Variants in LRFN5 observed in about 807,000 individuals in gnomAD.
LRFN5 encodes leucine rich repeat and fibronectin type III domain containing 5.
LRFN5 carries 24 observed loss-of-function variants against 45.6 expected under a neutral mutation model. That is an observed-to-expected ratio of 0.53 (90% CI 0.38 to 0.74). LRFN5 has a LOEUF of 0.74. Ranked by LOEUF, LRFN5 falls within the 30% of genes least tolerant of loss-of-function variation. The probability of loss-of-function intolerance (pLI) is 0.00; values close to 1 mark genes in which losing one functional copy is unlikely to be tolerated. For synonymous variants in LRFN5, 340 were observed against 313.8 expected (o/e 1.08, Z -0.88); for missense variants, 776 against 861.5 (o/e 0.90, Z 1.24).
At chr14:41,681,015 T>C (rs985041897) in intron 1 of LRFN5, among the ~76,000 whole-genome samples, 4 of 151,932 alleles carry the variant, frequency 2.6e-5, no homozygotes, top group Admixed American at 2.6e-4. Flanking sequence ...GCCAAATTGA[T>C]CAAGTAGAAG....
chr14:41,767,876 G>A (rs1885944394), intron 2 of LRFN5, among the ~76,000 whole-genome samples: 1 of 151,678 alleles, frequency 6.6e-6, no homozygotes, highest in African/African-American at 2.4e-5. Flanking sequence ...TGAGCCTGTT[G>A]TTTTGCCATG....
Position 41,891,852 on chromosome 14 carries a change from T to C in LRFN5, c.1988T>C (p.Val663Ala), listed in dbSNP as rs1306939149. 1.2e-6 allele frequency: 2 copies of C among 1,614,150 alleles called. No homozygotes were observed. Among genetic ancestry groups the C allele is most frequent in the East Asian group, 2.2e-5 (1 of 44,878 alleles). The change falls in exon 4 of 6, where the codon GTT (valine) becomes GCT (alanine). Residue 663 changes from valine to alanine, a missense_variant. Val to Ala is a moderately conservative substitution (Grantham distance 64). Coordinates refer to ENST00000298119, the MANE Select transcript of LRFN5 (RefSeq NM_152447.5). ...CCACAGAATGAAGCCGTCACAAATGTTGAATCCCAAAACACTAACAGGAAC... is the reference window on the plus strand; with the variant it reads ...CCACAGAATGAAGCCGTCACAAATGCTGAATCCCAAAACACTAACAGGAAC... The part of the protein sequence containing the change: ...TEPQNEAVTN[V>A]ESQNTNRNNS...
chr14:41,676,712 T>C (rs1288646892), intron 1 of LRFN5, among the ~76,000 whole-genome samples: 4 of 152,086 alleles, frequency 2.6e-5, no homozygotes, highest in Admixed American at 1.3e-4. Flanking sequence ...AAAAGACCTA[T>C]AAATATGGGG....
At chr14:41,893,499 A>G in intron 4 of LRFN5, 2 of 984,540 alleles carry the variant, frequency 2.0e-6, no homozygotes, top group Non-Finnish European at 2.4e-6. Flanking sequence ...TTACTATCTT[A>G]TGTCAAGTAC....
chr14:41,749,325 G>A (rs2138839167), intron 1 of LRFN5, among the ~76,000 whole-genome samples: 1 of 152,152 alleles, frequency 6.6e-6, no homozygotes, highest in Non-Finnish European at 1.5e-5. Flanking sequence ...GCATGCCAGA[G>A]GTAGTGAAAT....
In LRFN5 at chr14:41,899,021, ATTAACT is replaced by A. The variant is rs371217630; in HGVS notation, c.2142+66_2142+71del. 1.4e-4 allele frequency: 185 copies of A among 1,328,208 alleles called. No individual in the cohort carries two copies. In the African/African-American group the frequency reaches 2.4e-3, roughly 17 times the overall value. The allele number at this position is 1,328,208 out of a possible 1,614,324, so 82.3% of individuals were successfully genotyped here. Reference sequence around the variant, plus strand: ...TTAAATGGGTATACACTTTTTATAAATTAACTTTAAGTAATTAGTTTGCTAATTTAT... The same window carrying A: ...TTAAATGGGTATACACTTTTTATAAATTAAGTAATTAGTTTGCTAATTTAT... On this transcript the variant is annotated intron_variant, in intron 5 of 5. Coordinates refer to ENST00000298119, the MANE Select transcript of LRFN5 (RefSeq NM_152447.5).
At chr14:41,677,638 A>G (rs755020277) in intron 1 of LRFN5, among the ~76,000 whole-genome samples, 3 of 152,158 alleles carry the variant, frequency 2.0e-5, no homozygotes, top group Non-Finnish European at 4.4e-5. Context: ...GCTTAACAGT[A>G]GATTAGAGTT....
intron 2 of LRFN5, among the ~76,000 whole-genome samples, chr14:41,857,409 A>G (rs1361011273): frequency 1.3e-5 from 2 of 152,188 alleles, no homozygotes; most frequent in South Asian, 2.1e-4. Flanking sequence ...TATTTAGGAA[A>G]TAAATAGATG....
chr14:41,859,116 G>A (rs1310575452), intron 2 of LRFN5, among the ~76,000 whole-genome samples: 1 of 152,058 alleles, frequency 6.6e-6, no homozygotes, highest in African/African-American at 2.4e-5. Flanking sequence ...ATTCTCACCA[G>A]GGCCAACTTC....
At chr14:41,678,731 G>GT (rs766126748) in intron 1 of LRFN5, among the ~76,000 whole-genome samples, 9 of 152,096 alleles carry the variant, frequency 5.9e-5, no homozygotes, top group Non-Finnish European at 1.0e-4. Context: ...CCTGACCCCT[G>GT]TAAGAACACT....
In LRFN5 at chr14:41,886,896, A is replaced by G; in HGVS notation, c.271A>G (p.Thr91Ala). 2 of 1,614,230 alleles carry G rather than the reference A, an allele frequency of 1.2e-6. No individual in the cohort carries two copies. Among genetic ancestry groups the G allele is most frequent in the East Asian group, 4.5e-5 (2 of 44,878 alleles). Residue 91 changes from threonine (T) to alanine (A), a missense_variant, in exon 3 of 6, where the codon ACA becomes GCA. Physicochemically the swap from Thr to Ala is moderately conservative, Grantham distance 58 (BLOSUM62 0). Transcript: ENST00000298119. Reference sequence around the variant, plus strand: ...ATCCAGGAATACAATAAGTTTTATTACACCTCATGCTTTCGCTGACCTACG... The same window carrying G: ...ATCCAGGAATACAATAAGTTTTATTGCACCTCATGCTTTCGCTGACCTACG... ...TLSRNTISFI[T>A]PHAFADLRNL...
At chr14:41,649,247 AC>A (rs1261521062) in intron 1 of LRFN5, among the ~76,000 whole-genome samples, 1 of 95,012 alleles carries the variant, frequency 1.1e-5, no homozygotes. Context: ...CACCACCCCC[AC>A]CCCCCAAAAA....
intron 2 of LRFN5, among the ~76,000 whole-genome samples, chr14:41,874,687 A>G (rs1236282579): frequency 6.6e-6 from 1 of 152,210 alleles, no homozygotes; most frequent in Non-Finnish European, 1.5e-5. Context: ...AAAGTGGATA[A>G]TCAAATTATT....
chr14:41,799,819 A>G (rs1036437287), intron 2 of LRFN5, among the ~76,000 whole-genome samples: 8 of 151,926 alleles, frequency 5.3e-5, no homozygotes, highest in African/African-American at 1.9e-4. Context: ...TTGTTTCATC[A>G]CTTATAAATA....
chr14:41,738,290 C>T (rs1001147221), intron 1 of LRFN5, among the ~76,000 whole-genome samples: 4 of 152,026 alleles, frequency 2.6e-5, no homozygotes, highest in East Asian at 1.9e-4. Flanking sequence ...ACTGGCTAGC[C>T]GTATGCAGAA....
At chr14:41,761,859 G>A (rs2138870801) in intron 1 of LRFN5, among the ~76,000 whole-genome samples, 1 of 151,810 alleles carries the variant, frequency 6.6e-6, no homozygotes, top group South Asian at 2.1e-4. Context: ...ATAGCTCTGG[G>A]GTCTTCATCT....
intron 1 of LRFN5, among the ~76,000 whole-genome samples, chr14:41,735,746 C>T (rs568165746): frequency 1.1e-4 from 16 of 151,950 alleles, no homozygotes; most frequent in Non-Finnish European, 1.9e-4. Flanking sequence ...CTAATGCTAT[C>T]CCTCGCCTTG....
chr14:41,718,185 T>C (rs377173712), intron 1 of LRFN5, among the ~76,000 whole-genome samples: 1 of 152,210 alleles, frequency 6.6e-6, no homozygotes, highest in Non-Finnish European at 1.5e-5. Flanking sequence ...GAGAAGTTAC[T>C]TGACATCTCT....
At chr14:41,680,745 A>G (rs1389604133) in intron 1 of LRFN5, among the ~76,000 whole-genome samples, 2 of 152,238 alleles carry the variant, frequency 1.3e-5, no homozygotes, top group East Asian at 1.9e-4. Context: ...ATCCTGGAAA[A>G]CGTGACCTCA....
Sources: allele counts gnomAD v4.1 joint callset (sites outside exome capture counted in the v4.1 genomes callset), GRCh38; gene constraint gnomAD v4.1.1; transcripts MANE v1.5; gene names NCBI Gene and HGNC (gene_info 2026-07-23, HGNC 2026-07-21).